The following JARID2 variants were observed in gnomAD, a reference collection of about 807,000 sequenced individuals.
The protein encoded by JARID2 is jumonji and AT-rich interaction domain containing 2.
JARID2 carries 21 observed loss-of-function variants against 125.6 expected under a neutral mutation model. The ratio of observed to expected loss-of-function variants is 0.17; its 90% CI spans 0.12 to 0.24. The LOEUF (loss-of-function observed/expected upper bound fraction) is 0.24. JARID2 is among the 10% of genes least tolerant of loss of function. JARID2 has a pLI of 1.00. For synonymous variants in JARID2, 736 were observed against 661.6 expected (o/e 1.11, Z -1.73); for missense variants, 1,303 against 1,639.6 (o/e 0.79, Z 3.55).
At chr6:15,337,517 G>T (rs780644539) in intron 1 of JARID2, among the ~76,000 whole-genome samples, 3 of 152,148 alleles carry the variant, frequency 2.0e-5, no homozygotes, top group Non-Finnish European at 2.9e-5. Context: ...CATGGTGGTA[G>T]CTGAGACCCT....
intron 2 of JARID2, chr6:15,400,798 T>A: frequency 3.0e-6 from 3 of 985,348 alleles, no homozygotes; most frequent in Non-Finnish European, 3.6e-6. Flanking sequence ...CTGGCCGTCC[T>A]ATTGCCGCGC....
intron 3 of JARID2, among the ~76,000 whole-genome samples, chr6:15,426,943 G>T (rs893013804): frequency 6.6e-6 from 1 of 152,192 alleles, no homozygotes; most frequent in African/African-American, 2.4e-5. Context: ...GGGTACATCA[G>T]CACCTTGATA....
chr6:15,435,727 TTAAA>T (rs1384385174), intron 3 of JARID2, among the ~76,000 whole-genome samples: 1 of 151,882 alleles, frequency 6.6e-6, no homozygotes, highest in East Asian at 1.9e-4. Flanking sequence ...TTTTTTAATT[TTAAA>T]TAAATACATT....
intron 4 of JARID2, among the ~76,000 whole-genome samples, chr6:15,458,765 C>T (rs1037931895): frequency 1.3e-5 from 2 of 152,196 alleles, no homozygotes; most frequent in African/African-American, 4.8e-5. Flanking sequence ...CTCCGCGTTA[C>T]AGTGCATTAG....
chr6:15,507,865 C>T (rs778725821), intron 11 of JARID2, among the ~76,000 whole-genome samples: 19 of 152,224 alleles, frequency 1.2e-4, no homozygotes, highest in Non-Finnish European at 2.4e-4. Context: ...GCGAAAGTGG[C>T]TAGGAACCTG....
chr6:15,483,161 C>T (rs1245551793), intron 5 of JARID2, among the ~76,000 whole-genome samples: 1 of 152,110 alleles, frequency 6.6e-6, no homozygotes, highest in Non-Finnish European at 1.5e-5. Flanking sequence ...TGTGTTGGTC[C>T]TTCTTGAAAT....
At chr6:15,395,504 A>T (rs1382994354) in intron 2 of JARID2, among the ~76,000 whole-genome samples, 1 of 152,090 alleles carries the variant, frequency 6.6e-6, no homozygotes, top group East Asian at 1.9e-4. Flanking sequence ...TGACCTTGTG[A>T]TCCACCTGCC....
chr6:15,437,890 G>A (rs1299149540), intron 3 of JARID2, among the ~76,000 whole-genome samples: 1 of 152,146 alleles, frequency 6.6e-6, no homozygotes, highest in African/African-American at 2.4e-5. Context: ...CTTAGAAGAG[G>A]GTGGAGAAAG....
At chr6:15,330,386 TC>T (rs1263281034) in intron 1 of JARID2, among the ~76,000 whole-genome samples, 1 of 152,246 alleles carries the variant, frequency 6.6e-6, no homozygotes. Flanking sequence ...GTTAAGTTGA[TC>T]CACTTGTGTG....
At chr6:15,404,831 C>G (rs1475020608) in intron 2 of JARID2, among the ~76,000 whole-genome samples, 1 of 152,136 alleles carries the variant, frequency 6.6e-6, no homozygotes, top group Non-Finnish European at 1.5e-5. Flanking sequence ...CTTTTTAACC[C>G]TTGTTTTGGG....
intron 1 of JARID2, among the ~76,000 whole-genome samples, chr6:15,323,380 A>G (rs1170197046): frequency 1.3e-5 from 2 of 152,046 alleles, no homozygotes; most frequent in Non-Finnish European, 2.9e-5. Flanking sequence ...GCACCGGGAA[A>G]TCCTGCCCTC....
At chr6:15,418,792 A>C (rs886546738) in intron 3 of JARID2, among the ~76,000 whole-genome samples, 2 of 152,186 alleles carry the variant, frequency 1.3e-5, no homozygotes, top group African/African-American at 2.4e-5. Flanking sequence ...GAGATATGAC[A>C]TGCCTCTGGA....
intron 1 of JARID2, among the ~76,000 whole-genome samples, chr6:15,302,908 T>C (rs1761684267): frequency 1.3e-5 from 2 of 152,062 alleles, no homozygotes; most frequent in Non-Finnish European, 2.9e-5. Flanking sequence ...CTAATTTTTG[T>C]ATTTTTTAGT....
chr6:15,363,921 T>G lies in JARID2; in HGVS notation c.46-10196T>G, dbSNP rs545251192. Reference sequence around the variant, plus strand: ...GGCATATGAGACAACTTTATCTGTTTCTGGAAAAAATAAGGCAATATGTCA... The same window carrying G: ...GGCATATGAGACAACTTTATCTGTTGCTGGAAAAAATAAGGCAATATGTCA... On this transcript the variant is annotated intron_variant, in intron 1 of 17. Transcript: ENST00000341776. Among the ~76,000 whole-genome samples, 38 of 152,270 alleles carry G rather than the reference T, an allele frequency of 2.5e-4. 1 individual carries two copies. The highest frequency in any genetic ancestry group is 9.1e-4 in the African/African-American group (38 of 41,562).
At chr6:15,364,415 G>C (rs1217812886) in intron 1 of JARID2, among the ~76,000 whole-genome samples, 1 of 152,196 alleles carries the variant, frequency 6.6e-6, no homozygotes, top group Admixed American at 6.5e-5. Flanking sequence ...CTTAGAAAAG[G>C]ATTTGAAGGT....
At chr6:15,460,781 T>A (rs1184046329) in intron 4 of JARID2, among the ~76,000 whole-genome samples, 1 of 152,220 alleles carries the variant, frequency 6.6e-6, no homozygotes, top group African/African-American at 2.4e-5. Flanking sequence ...CTCGGCTCAC[T>A]GCAACCTCCG....
At chr6:15,486,806 CT>C (rs56268949) in intron 5 of JARID2, among the ~76,000 whole-genome samples, 9,261 of 100,346 alleles carry the variant, frequency 0.092, 456 homozygotes, top group Middle Eastern at 0.22. Context: ...TGAGAATAGA[CT>C]TTTTTTTTTT....
intron 1 of JARID2, among the ~76,000 whole-genome samples, chr6:15,296,329 A>G (rs150365742): frequency 2.6e-5 from 4 of 152,312 alleles, no homozygotes; most frequent in African/African-American, 9.6e-5. Context: ...TGCAGCAGCA[A>G]ATCAATATAA....
At chr6:15,322,238 C>T (rs1762384296) in intron 1 of JARID2, among the ~76,000 whole-genome samples, 1 of 152,186 alleles carries the variant, frequency 6.6e-6, no homozygotes. Flanking sequence ...GCTTAGTTTT[C>T]AAGGAGCAGT....
Sources: allele counts gnomAD v4.1 joint callset (sites outside exome capture counted in the v4.1 genomes callset), GRCh38; gene constraint gnomAD v4.1.1; transcripts MANE v1.5; gene names NCBI Gene and HGNC (gene_info 2026-07-23, HGNC 2026-07-21).